The following UCHL3 variants were observed in gnomAD, a reference collection of about 807,000 sequenced individuals.
The protein encoded by UCHL3 is ubiquitin C-terminal hydrolase L3.
A neutral mutation model predicts 35.8 loss-of-function variants in UCHL3; 22 were observed. The observed-to-expected ratio is 0.61, with a 90% CI of 0.44 to 0.88. The LOEUF (loss-of-function observed/expected upper bound fraction) is 0.88. Ranked by LOEUF, UCHL3 falls within the 40% of genes least tolerant of loss-of-function variation. The probability of loss-of-function intolerance (pLI) is 0.00; values close to 1 mark genes in which losing one functional copy is unlikely to be tolerated. For missense variants in UCHL3, 229 were observed against 276.9 expected (o/e 0.83, Z 1.23); for synonymous variants, 90 against 92.8 (o/e 0.97, Z 0.17).
At position 75,592,233 on chromosome 13, in the gene UCHL3, T is replaced by C. The variant is rs1593759471; in HGVS notation, c.475-2682T>C. Among the ~76,000 whole-genome samples, 5 of 150,878 alleles carry C rather than the reference T, an allele frequency of 3.3e-5. No homozygotes were observed. In the East Asian group the frequency reaches 7.8e-4, roughly 23 times the overall value. ...AGTGTTGCATTCTAAATTAGGGATA[T>C]ATATATCAAAACTAATTGATTGGAA... On this transcript the variant is annotated intron_variant, in intron 6 of 8. Coordinates refer to ENST00000377595, the MANE Select transcript of UCHL3 (RefSeq NM_006002.5).
intron 6 of UCHL3, among the ~76,000 whole-genome samples, chr13:75,591,572 T>C (rs2138561916): frequency 6.6e-6 from 1 of 152,338 alleles, no homozygotes; most frequent in East Asian, 1.9e-4. Context: ...TATATGCTTT[T>C]ATATAATGTT....
At chr13:75,571,146 GTGA>G (rs1393817811) in intron 6 of UCHL3, among the ~76,000 whole-genome samples, 2 of 152,130 alleles carry the variant, frequency 1.3e-5, no homozygotes, top group African/African-American at 4.8e-5. Context: ...GTTAAAATTG[GTGA>G]TGATGAGGAT....
At chr13:75,553,908 C>T (rs759814929) in intron 2 of UCHL3, among the ~76,000 whole-genome samples, 11 of 152,104 alleles carry the variant, frequency 7.2e-5, no homozygotes, top group African/African-American at 2.2e-4. Flanking sequence ...GAGTTGATGC[C>T]GTTGATTCTT....
At chr13:75,580,780 C>G (rs185926500) in intron 6 of UCHL3, among the ~76,000 whole-genome samples, 20 of 152,274 alleles carry the variant, frequency 1.3e-4, no homozygotes, top group African/African-American at 4.8e-4. Flanking sequence ...GATGGGAAAT[C>G]TAAGAAGCTG....
intron 6 of UCHL3, among the ~76,000 whole-genome samples, chr13:75,591,210 A>G (rs931278009): frequency 6.6e-6 from 1 of 152,194 alleles, no homozygotes; most frequent in Non-Finnish European, 1.5e-5. Context: ...GTGAAGTGGT[A>G]TCTTTCCTTA....
chr13:75,586,518 C>T (rs2032327349), intron 6 of UCHL3, among the ~76,000 whole-genome samples: 1 of 151,910 alleles, frequency 6.6e-6, no homozygotes, highest in Admixed American at 6.6e-5. Flanking sequence ...CAACTTGACC[C>T]TTTTGATATT....
intron 2 of UCHL3, among the ~76,000 whole-genome samples, chr13:75,554,378 A>G (rs978386306): frequency 2.0e-5 from 3 of 152,234 alleles, no homozygotes; most frequent in Non-Finnish European, 4.4e-5. Flanking sequence ...TACATATAAA[A>G]TATGTAGAAC....
chr13:75,576,405 A>G (rs6562911), intron 6 of UCHL3, among the ~76,000 whole-genome samples: 16,690 of 151,880 alleles, frequency 0.11, 1,159 homozygotes, highest in Non-Finnish European at 0.16. Flanking sequence ...AATTTTTTGT[A>G]TTTTTAGTAG....
At chr13:75,561,015 C>G (rs952522201) in intron 3 of UCHL3, 134 bp downstream of exon 3, 1 of 766,138 alleles carries the variant, frequency 1.3e-6, no homozygotes, top group Non-Finnish European at 1.9e-6. Context: ...ACTGCAGTCT[C>G]AACCTCCCAG....
chr13:75,549,853 C>T lies in UCHL3; in HGVS notation c.33C>T (p.Ala11=), dbSNP rs1286766954. The change falls in exon 1 of 9, where the codon GCC becomes GCT. Residue 11 remains alanine, a synonymous_variant. Transcript: ENST00000377595. The stretch of plus-strand genomic sequence containing the variant: ...GTCAACGCTGGCTGCCGCTGGAGGC[C>T]AATCCCGAGGTGGGCGCGCTTCGGG... The part of the protein sequence containing the change: MEGQRWLPLE[A]NPEVTNQFLK... The T allele has an allele frequency of 1.9e-6, 3 of 1,606,020 alleles. No individual in the cohort carries two copies. The highest frequency in any genetic ancestry group is 2.2e-5 in the South Asian group (2 of 90,752).
At chr13:75,562,245 A>G (rs1197163956) in intron 3 of UCHL3, among the ~76,000 whole-genome samples, 1 of 152,104 alleles carries the variant, frequency 6.6e-6, no homozygotes, top group African/African-American at 2.4e-5. Context: ...TTTCTCTTCT[A>G]CTTAAGGGTT....
chr13:75,563,298 C>G (rs2138479983), intron 3 of UCHL3, among the ~76,000 whole-genome samples: 1 of 152,264 alleles, frequency 6.6e-6, no homozygotes, highest in South Asian at 2.1e-4. Context: ...GCCTCAGTCT[C>G]TGGAGTAGCT....
chr13:75,579,658 A>T (rs2032125221), intron 6 of UCHL3, among the ~76,000 whole-genome samples: 1 of 152,114 alleles, frequency 6.6e-6, no homozygotes, highest in Non-Finnish European at 1.5e-5. Flanking sequence ...TTTTAAAGGA[A>T]AATTCTTAGA....
At chr13:75,597,887 A>G (rs1440365776) in intron 7 of UCHL3, among the ~76,000 whole-genome samples, 1 of 152,238 alleles carries the variant, frequency 6.6e-6, no homozygotes, top group South Asian at 2.1e-4. Context: ...AGGTTAACCA[A>G]TGAAAAGGAC....
chr13:75,593,309 A>G (rs2032561361), intron 6 of UCHL3, among the ~76,000 whole-genome samples: 1 of 152,180 alleles, frequency 6.6e-6, no homozygotes, highest in African/African-American at 2.4e-5. Context: ...TCTTCTGATT[A>G]TTGATAAATG....
Position 75,584,453 on chromosome 13 carries a change from A to G in UCHL3, c.475-10462A>G, listed in dbSNP as rs536834214. 2.6e-5 allele frequency among the ~76,000 whole-genome samples: 4 copies of G among 152,344 alleles called. No homozygotes were observed. The East Asian group carries it at 5.8e-4, about 22-fold the overall frequency. Reference sequence around the variant, plus strand: ...AAATTTTAAACCAATGGTATTCTCAAGGTAATCATAGCAACAATAAAACCC... The same window carrying G: ...AAATTTTAAACCAATGGTATTCTCAGGGTAATCATAGCAACAATAAAACCC... On this transcript the variant is annotated intron_variant, in intron 6 of 8. Coordinates refer to ENST00000377595, the MANE Select transcript of UCHL3 (RefSeq NM_006002.5).
At chr13:75,551,324 G>C (rs544162747) in intron 2 of UCHL3, among the ~76,000 whole-genome samples, 4 of 152,010 alleles carry the variant, frequency 2.6e-5, no homozygotes, top group South Asian at 2.1e-4. Context: ...CCGGGTACTT[G>C]GGAGGCTGAG....
intron 6 of UCHL3, among the ~76,000 whole-genome samples, chr13:75,584,771 G>A (rs780107941): frequency 7.2e-5 from 11 of 151,986 alleles, no homozygotes; most frequent in Non-Finnish European, 1.3e-4. Context: ...ACATAAGAAA[G>A]AATCAAATGG....
In UCHL3 at chr13:75,556,200, A is replaced by G. The variant is rs185731209; in HGVS notation, c.55-4553A>G. Among the ~76,000 whole-genome samples the G allele has an allele frequency of 5.9e-5, 9 of 152,340 alleles. No individual in the cohort carries two copies. The East Asian group carries it at 1.7e-3, about 29-fold the overall frequency. ...GTTGGCAATTTTGTAGTTAGTCCAT[A>G]TTGAGCCTGCAGTGAAGTAAACTTC... On this transcript the variant is annotated intron_variant, in intron 2 of 8. Transcript: ENST00000377595.
Sources: allele counts gnomAD v4.1 joint callset (sites outside exome capture counted in the v4.1 genomes callset), GRCh38; gene constraint gnomAD v4.1.1; transcripts MANE v1.5; gene names NCBI Gene and HGNC (gene_info 2026-07-23, HGNC 2026-07-21).